Variants in TRIP4 observed in about 807,000 individuals in gnomAD.
The protein encoded by TRIP4 is thyroid hormone receptor interactor 4, also known as activating signal cointegrator 1.
A neutral mutation model predicts 81.8 loss-of-function variants in TRIP4; 54 were observed. The ratio of observed to expected loss-of-function variants is 0.66; its 90% CI spans 0.53 to 0.83. The LOEUF (loss-of-function observed/expected upper bound fraction) is 0.83, where lower values mean the gene tolerates loss of function less well. Among genes scored for constraint, TRIP4 ranks in the 40% least tolerant of loss-of-function variants. The pLI, the probability that TRIP4 is intolerant of heterozygous loss-of-function variation, is 0.00. For synonymous variants in TRIP4, 270 were observed against 242.8 expected (o/e 1.11, Z -1.04); for missense variants, 662 against 683.6 (o/e 0.97, Z 0.35).
chr15:64,420,722 T>C (rs998591558), intron 9 of TRIP4, among the ~76,000 whole-genome samples: 21 of 151,686 alleles, frequency 1.4e-4, no homozygotes, highest in African/African-American at 5.1e-4. Flanking sequence ...TTACTAGAGA[T>C]GGTGTTTCAC....
At chr15:64,450,145 G>C (rs1390621107) in intron 12 of TRIP4, among the ~76,000 whole-genome samples, 5 of 151,748 alleles carry the variant, frequency 3.3e-5, no homozygotes, top group African/African-American at 1.2e-4. Flanking sequence ...TGTAATCCCA[G>C]CACTTTGGGA....
intron 11 of TRIP4, chr15:64,444,519 C>T (rs982098741): frequency 1.3e-5 from 2 of 152,240 alleles, no homozygotes; most frequent in African/African-American, 4.8e-5. Context: ...TCATACCTTT[C>T]AGAATGAATC....
At chr15:64,389,540 C>T (rs953614100) in intron 1 of TRIP4, among the ~76,000 whole-genome samples, 3 of 151,856 alleles carry the variant, frequency 2.0e-5, no homozygotes, top group East Asian at 1.9e-4. Context: ...AACAAAACAG[C>T]GAAATCTTAT....
intron 7 of TRIP4, among the ~76,000 whole-genome samples, chr15:64,411,843 C>A (rs1891772654): frequency 6.6e-6 from 1 of 152,042 alleles, no homozygotes; most frequent in South Asian, 2.1e-4. Context: ...CCACGCCTGG[C>A]TAATTTTTTT....
At chr15:64,390,546 T>C (rs1016018943) in intron 1 of TRIP4, among the ~76,000 whole-genome samples, 1 of 152,066 alleles carries the variant, frequency 6.6e-6, no homozygotes, top group Non-Finnish European at 1.5e-5. Flanking sequence ...GATGTAGTCT[T>C]CTCAGTCTAG....
chr15:64,403,510 C>T (rs777022043), intron 5 of TRIP4, among the ~76,000 whole-genome samples: 7 of 152,156 alleles, frequency 4.6e-5, no homozygotes, highest in East Asian at 1.9e-4. Context: ...TCACTACTTA[C>T]GCAAATATTT....
intron 6 of TRIP4, among the ~76,000 whole-genome samples, chr15:64,408,218 G>A (rs1400009830): frequency 3.4e-5 from 5 of 144,980 alleles, no homozygotes; most frequent in African/African-American, 1.3e-4. Flanking sequence ...AATTACAGGT[G>A]TGAGCCACCG....
At chr15:64,450,628 G>GT (rs1455309969) in intron 12 of TRIP4, 1 of 455,788 alleles carries the variant, frequency 2.2e-6, no homozygotes. Context: ...ATTGTAAGGA[G>GT]TTCACAGATT....
At chr15:64,418,401 G>A (rs1201278054) in intron 8 of TRIP4, 140 bp from the exon 9 acceptor site, 3 of 977,328 alleles carry the variant, frequency 3.1e-6, no homozygotes, top group South Asian at 1.9e-5. Context: ...CGTGAGCCAC[G>A]ATGCCCGGCC....
At chr15:64,419,978 G>T (rs937667426) in intron 9 of TRIP4, among the ~76,000 whole-genome samples, 1 of 151,402 alleles carries the variant, frequency 6.6e-6, no homozygotes, top group Non-Finnish European at 1.5e-5. Flanking sequence ...ACCACACCTG[G>T]TTAATTTTTG....
chr15:64,424,381 G>T, intron 10 of TRIP4: 1 of 508,584 alleles, frequency 2.0e-6, no homozygotes, highest in South Asian at 3.4e-5. Flanking sequence ...AAATCAACTA[G>T]TCTTAATTTT....
chr15:64,418,144 C>G (rs923100629), intron 8 of TRIP4, among the ~76,000 whole-genome samples: 1 of 152,140 alleles, frequency 6.6e-6, no homozygotes, highest in South Asian at 2.1e-4. Context: ...GAGACAGAGT[C>G]TCTCTTGCCC....
At chr15:64,436,152 G>A (rs189710459) in intron 11 of TRIP4, among the ~76,000 whole-genome samples, 72 of 152,098 alleles carry the variant, frequency 4.7e-4, no homozygotes, top group African/African-American at 1.7e-3. Context: ...AAAATTAACC[G>A]GGTGTGGTGA....
intron 8 of TRIP4, 134 bp from the exon 9 acceptor site, chr15:64,418,407 C>A: frequency 1.9e-6 from 2 of 1,036,688 alleles, no homozygotes; most frequent in Non-Finnish European, 2.7e-6. Context: ...CCACGATGCC[C>A]GGCCTGGGAT....
intron 11 of TRIP4, among the ~76,000 whole-genome samples, chr15:64,439,150 T>A (rs188669053): frequency 1.3e-5 from 2 of 152,328 alleles, no homozygotes; most frequent in East Asian, 3.9e-4. Flanking sequence ...AAGAAAACGT[T>A]TATCTTCCAG....
chr15:64,399,083 G>C (rs1900383067), intron 4 of TRIP4, among the ~76,000 whole-genome samples: 1 of 151,326 alleles, frequency 6.6e-6, no homozygotes, highest in Admixed American at 6.6e-5. Flanking sequence ...CCTAGTAGCT[G>C]GGACAACAGG....
At chr15:64,436,299 GAAAA>G (rs756457617) in intron 11 of TRIP4, among the ~76,000 whole-genome samples, 1 of 140,830 alleles carries the variant, frequency 7.1e-6, no homozygotes, top group African/African-American at 2.6e-5. Context: ...CGTCTCAAAA[GAAAA>G]AAAAAATCAG....
In TRIP4 at chr15:64,425,578, C is replaced by A; in HGVS notation, c.1522C>A (p.Leu508Met). The A allele has an allele frequency of 1.2e-6, 2 of 1,612,890 alleles. No homozygotes were observed. The highest frequency in any genetic ancestry group is 1.7e-6 in the Non-Finnish European group (2 of 1,179,544). ...TAATGACTATCCGTCAGGTTGTCTT[C>A]TGGGCTGTGTGGACCTAATTGACTG... ...FPNDYPSGCL[L>M]GCVDLIDCLS... is the part of the protein sequence containing the mutation. Residue 508 changes from leucine to methionine, a missense_variant, in exon 11 of 13, where the codon CTG (leucine) becomes ATG (methionine). Leu to Met is a conservative substitution (Grantham distance 15). Coordinates refer to ENST00000261884, the MANE Select transcript of TRIP4 (RefSeq NM_016213.5).
intron 3 of TRIP4, among the ~76,000 whole-genome samples, chr15:64,395,950 C>T (rs955150506): frequency 9.2e-5 from 14 of 151,456 alleles, no homozygotes; most frequent in African/African-American, 3.4e-4. Context: ...GCTCTGTCGC[C>T]CAGGCTGGAA....
Sources: allele counts gnomAD v4.1 joint callset (sites outside exome capture counted in the v4.1 genomes callset), GRCh38; gene constraint gnomAD v4.1.1; transcripts MANE v1.5; gene names NCBI Gene and HGNC (gene_info 2026-07-23, HGNC 2026-07-21).